CYP19A1: variants seen among roughly 807,000 people sequenced by gnomAD.
CYP19A1 encodes cytochrome P450 family 19 subfamily A member 1.
Under a neutral mutation model 44.4 loss-of-function variants are expected in CYP19A1, and 32 were observed. That is an observed-to-expected ratio of 0.72 (90% CI 0.54 to 0.97). The LOEUF (loss-of-function observed/expected upper bound fraction) is 0.97. Among genes scored for constraint, CYP19A1 ranks in the 50% least tolerant of loss-of-function variants. The pLI is 0.00. For missense variants in CYP19A1, 598 were observed against 637.8 expected (o/e 0.94, Z 0.67); for synonymous variants, 212 against 215.6 (o/e 0.98, Z 0.14).
At chr15:51,237,047 A>C (rs768845769) in intron 2 of CYP19A1, 38 bp from the exon 3 acceptor site, 1 of 1,613,218 alleles carries the variant, frequency 6.2e-7, no homozygotes, top group Non-Finnish European at 8.5e-7. Flanking sequence ...CATCTTAGTT[A>C]CACCAAAAAT....
In CYP19A1 at chr15:51,242,868, G is replaced by T; in HGVS notation, c.45C>A (p.Ser15Arg). The change falls in exon 2 of 10, where the codon AGC becomes AGA. Residue 15 changes from serine (S) to arginine (R), a missense_variant. Coordinates refer to ENST00000396402, the MANE Select transcript of CYP19A1 (RefSeq NM_000103.4). ...MLNPIHYNIT[S>R]IVPEAMPAAT... ...CAGCAGGCATGGCTTCAGGCACGAT[G>T]CTGGTGATGTTATAATGTATCGGGT... 1 of 1,606,954 alleles carries T rather than the reference G, an allele frequency of 6.2e-7. No individual in the cohort carries two copies. The highest frequency in any genetic ancestry group is 8.5e-7 in the Non-Finnish European group (1 of 1,173,450).
chr15:51,244,709 A>G (rs1251168785), intron 1 of CYP19A1, among the ~76,000 whole-genome samples: 1 of 152,220 alleles, frequency 6.6e-6, no homozygotes, highest in Non-Finnish European at 1.5e-5. Flanking sequence ...AGTGGTTGCA[A>G]CAAAAAGGAT....
intron 1 of CYP19A1, among the ~76,000 whole-genome samples, chr15:51,307,915 G>C (rs28757100): frequency 0.018 from 2,770 of 152,254 alleles, 99 homozygotes; most frequent in African/African-American, 0.063. Flanking sequence ...AACGTTTATT[G>C]AGCATCTACA....
intron 1 of CYP19A1, among the ~76,000 whole-genome samples, chr15:51,315,547 C>A (rs1229961051): frequency 6.6e-6 from 1 of 152,180 alleles, no homozygotes; most frequent in Non-Finnish European, 1.5e-5. Context: ...CTGTTGTATA[C>A]CCAGTTATAT....
At chr15:51,294,999 GAAA>G (rs202195912) in intron 1 of CYP19A1, among the ~76,000 whole-genome samples, 1 of 143,764 alleles carries the variant, frequency 7.0e-6, no homozygotes. Flanking sequence ...CTGCCTTGGG[GAAA>G]AAAAAAAAAA....
chr15:51,287,536 T>C (rs1177601316), intron 1 of CYP19A1, among the ~76,000 whole-genome samples: 2 of 152,202 alleles, frequency 1.3e-5, no homozygotes, highest in African/African-American at 2.4e-5. Context: ...GCTCAGACAT[T>C]GGTATCGCTG....
chr15:51,238,905 A>G (rs938333861), intron 2 of CYP19A1, among the ~76,000 whole-genome samples: 10 of 152,194 alleles, frequency 6.6e-5, no homozygotes, highest in African/African-American at 2.4e-4. Context: ...GAGATGTTAT[A>G]AGTATAATGG....
intron 1 of CYP19A1, among the ~76,000 whole-genome samples, chr15:51,332,855 G>T (rs560787250): frequency 6.6e-6 from 1 of 152,276 alleles, no homozygotes; most frequent in African/African-American, 2.4e-5. Context: ...TCCCCTATAA[G>T]TCACTTGTAC....
At chr15:51,275,679 C>T (rs2035282649) in intron 1 of CYP19A1, among the ~76,000 whole-genome samples, 1 of 152,170 alleles carries the variant, frequency 6.6e-6, no homozygotes, top group African/African-American at 2.4e-5. Context: ...AGAGTGACTG[C>T]TCACATTTTT....
chr15:51,222,402 C>G lies in CYP19A1; in HGVS notation c.575G>C (p.Arg192Pro). 3 of 1,614,178 alleles carry G rather than the reference C, an allele frequency of 1.9e-6. No individual in the cohort carries two copies. The highest frequency in any genetic ancestry group is 2.2e-5 in the South Asian group (2 of 91,082). ...GTTAGAGGTGTCCAGCATGACACGA[C>G]GCAGAAGGGTCAACACGTCCACATA... ...SGYVDVLTLL[R>P]RVMLDTSNTL... Residue 192 changes from arginine to proline, a missense_variant, in exon 5 of 10, where the codon CGT becomes CCT. By Grantham distance (103) the Arg-to-Pro change is moderately radical. Coordinates refer to ENST00000396402, the MANE Select transcript of CYP19A1 (RefSeq NM_000103.4).
chr15:51,301,285 T>C (rs1048134372), intron 1 of CYP19A1, among the ~76,000 whole-genome samples: 1 of 152,246 alleles, frequency 6.6e-6, no homozygotes, highest in African/African-American at 2.4e-5. Context: ...TTTGTTCTCC[T>C]GTATGGCTGT....
chr15:51,270,380 G>A (rs1318262543), intron 1 of CYP19A1, among the ~76,000 whole-genome samples: 1 of 152,102 alleles, frequency 6.6e-6, no homozygotes, highest in Non-Finnish European at 1.5e-5. Context: ...AAAGCTTTTG[G>A]GGGATCCCGG....
chr15:51,227,729 A>C lies in CYP19A1; in HGVS notation c.451+50T>G, dbSNP rs764142663. 2.2e-5 allele frequency: 13 copies of C among 584,372 alleles called. No homozygotes were observed. The East Asian group carries it at 3.8e-4, about 17-fold the overall frequency. The allele number at this position is 584,372 out of a possible 1,614,324, so 36.2% of individuals were successfully genotyped here. On this transcript the variant is annotated intron_variant, in intron 4 of 9. Coordinates refer to ENST00000396402, the MANE Select transcript of CYP19A1 (RefSeq NM_000103.4). The stretch of plus-strand genomic sequence containing the variant: ...TATTTTAAAAATATGATTTCAAAAA[A>C]GGCACATTCATAGACAAAAAAGATT...
At chr15:51,230,109 G>A (rs2032911619) in intron 3 of CYP19A1, among the ~76,000 whole-genome samples, 1 of 152,200 alleles carries the variant, frequency 6.6e-6, no homozygotes, top group Non-Finnish European at 1.5e-5. Flanking sequence ...TGTGTGACTG[G>A]CCACAGATGA....
intron 3 of CYP19A1, 73 bp downstream of exon 3, chr15:51,236,786 A>T (rs559137054): frequency 1.3e-6 from 2 of 1,570,312 alleles, no homozygotes; most frequent in Non-Finnish European, 1.8e-6. Flanking sequence ...AAGATTCAAA[A>T]TAAAGTTGTC....
rs28757173 is a variant in CYP19A1, at chr15:51,237,137, C to T, written c.146-128G>A. 610 of 1,060,544 alleles carry T rather than the reference C, an allele frequency of 5.8e-4. 2 individuals carry two copies. The highest frequency in any genetic ancestry group is 2.5e-3 in the South Asian group (171 of 69,436). The allele number at this position is 1,060,544 out of a possible 1,614,324, so 65.7% of individuals were successfully genotyped here. ...ACATGTGATGTATATCTGTGAATCA[C>T]GAATAAAGTGATTTGAAACAAAACA... On this transcript the variant is annotated intron_variant, in intron 2 of 9. Transcript: ENST00000396402.
At chr15:51,304,515 G>A (rs996011411) in intron 1 of CYP19A1, among the ~76,000 whole-genome samples, 2 of 152,160 alleles carry the variant, frequency 1.3e-5, no homozygotes, top group Admixed American at 1.3e-4. Context: ...CCCATGTCAA[G>A]TTAACCATGG....
At chr15:51,338,405 G>GT (rs1156281018) in intron 1 of CYP19A1, 90 bp downstream of exon 1, 1 of 152,204 alleles carries the variant, frequency 6.6e-6, no homozygotes, top group Non-Finnish European at 1.5e-5. Flanking sequence ...CACCAGCTGG[G>GT]TGTCCTCCAA....
chr15:51,316,780 T>A (rs1311051290), intron 1 of CYP19A1, among the ~76,000 whole-genome samples: 1 of 151,568 alleles, frequency 6.6e-6, no homozygotes, highest in Non-Finnish European at 1.5e-5. Context: ...AGTTAAAAAC[T>A]ATATTCCCCA....
Sources: allele counts gnomAD v4.1 joint callset (sites outside exome capture counted in the v4.1 genomes callset), GRCh38; gene constraint gnomAD v4.1.1; transcripts MANE v1.5; gene names NCBI Gene and HGNC (gene_info 2026-07-23, HGNC 2026-07-21).